The following PDE8B variants were observed in gnomAD, a reference collection of about 807,000 sequenced individuals.
The protein encoded by PDE8B is phosphodiesterase 8B.
Under a neutral mutation model 101.3 loss-of-function variants are expected in PDE8B, and 26 were observed. The ratio of observed to expected loss-of-function variants is 0.26; its 90% CI spans 0.19 to 0.36. The LOEUF (loss-of-function observed/expected upper bound fraction) is 0.36. PDE8B is among the 10% of genes least tolerant of loss of function. PDE8B has a pLI of 1.00. For synonymous variants in PDE8B, 424 were observed against 429.3 expected, an observed-to-expected ratio of 0.99 and a Z score of 0.15; for missense variants, 810 against 1,163.1, an observed-to-expected ratio of 0.70 and a Z score of 4.42.
chr5:77,262,565 G>A (rs1354702324), intron 1 of PDE8B, among the ~76,000 whole-genome samples: 2 of 152,300 alleles, frequency 1.3e-5, no homozygotes, highest in Middle Eastern at 3.4e-3. Context: ...TTATTATCAG[G>A]TGCATATATT....
At chr5:77,382,160 C>T (rs1427265412) in intron 10 of PDE8B, among the ~76,000 whole-genome samples, 2 of 152,128 alleles carry the variant, frequency 1.3e-5, no homozygotes, top group Non-Finnish European at 2.9e-5. Flanking sequence ...TAAGTGAATA[C>T]ACATGTACTC....
At chr5:77,144,681 C>G in the PDE8B span, 2 of 151,600 alleles carry the variant, frequency 1.3e-5, no homozygotes, top group African/African-American at 4.8e-5. Context: ...TCTTGGTGAT[C>G]AGGAAAGGCA....
intron 2 of PDE8B, among the ~76,000 whole-genome samples, chr5:77,324,907 T>G (rs1581047150): frequency 6.6e-6 from 1 of 152,234 alleles, no homozygotes; most frequent in Non-Finnish European, 1.5e-5. Context: ...TTAGAAATAC[T>G]TGTAATTGCA....
At chr5:77,244,739 C>A (rs1171077599) in intron 1 of PDE8B, among the ~76,000 whole-genome samples, 1 of 152,030 alleles carries the variant, frequency 6.6e-6, no homozygotes, top group East Asian at 1.9e-4. Flanking sequence ...CACTAAGCAT[C>A]AAGAGATGGA....
the PDE8B span, among the ~76,000 whole-genome samples, chr5:77,104,320 G>T: frequency 6.6e-6 from 1 of 152,170 alleles, no homozygotes; most frequent in Non-Finnish European, 1.5e-5. Flanking sequence ...GTGACAATGG[G>T]CAGTGCTATG....
chr5:77,291,277 C>G, intron 1 of PDE8B: 1 of 1,613,032 alleles, frequency 6.2e-7, no homozygotes, highest in South Asian at 1.1e-5. Context: ...CCATGGGACC[C>G]TAATGTTCTC....
At chr5:77,161,370 G>A in the PDE8B span, among the ~76,000 whole-genome samples, 226 of 152,102 alleles carry the variant, frequency 1.5e-3, no homozygotes, top group African/African-American at 4.9e-3. Context: ...CCTTTTTATC[G>A]TTGTATAGTT....
At position 77,413,147 on chromosome 5, in the gene PDE8B, G is replaced by C; in HGVS notation, c.1749G>C (p.Arg583=). The change falls in exon 17 of 22, where the codon CGG becomes CGC. Residue 583 remains arginine (R), a synonymous_variant. Coordinates refer to ENST00000264917, the MANE Select transcript of PDE8B (RefSeq NM_003719.5). ...LVYLGLKVFS[R]FGVCEFLNCS... ...ATCTGGGCTTAAAGGTCTTCTCTCG[G>C]TTTGGAGTATGTGAATTTTTAAACT... 8.1e-6 allele frequency: 13 copies of C among 1,614,090 alleles called. No individual in the cohort carries two copies. Among genetic ancestry groups the C allele is most frequent in the Non-Finnish European group, 1.1e-5 (13 of 1,180,010 alleles).
chr5:77,413,850 T>C (rs1453088595), intron 17 of PDE8B, among the ~76,000 whole-genome samples: 1 of 152,190 alleles, frequency 6.6e-6, no homozygotes, highest in East Asian at 1.9e-4. Flanking sequence ...AGTTCAATAC[T>C]GTCATGTACC....
the PDE8B span, among the ~76,000 whole-genome samples, chr5:77,143,047 G>A: frequency 6.6e-6 from 1 of 152,006 alleles, no homozygotes; most frequent in Non-Finnish European, 1.5e-5. Flanking sequence ...GAGACTTCGG[G>A]GAACCCTAGG....
At chr5:77,286,069 G>T (rs1765948947) in intron 1 of PDE8B, among the ~76,000 whole-genome samples, 1 of 151,990 alleles carries the variant, frequency 6.6e-6, no homozygotes, top group Non-Finnish European at 1.5e-5. Flanking sequence ...GTCATCTCAG[G>T]GTTGCCATTA....
chr5:77,235,495 G>A (rs1754475510), intron 1 of PDE8B, among the ~76,000 whole-genome samples: 1 of 152,174 alleles, frequency 6.6e-6, no homozygotes, highest in South Asian at 2.1e-4. Flanking sequence ...ACTAAACGGG[G>A]CATTCATTCA....
chr5:77,278,392 A>G (rs1764251030), intron 1 of PDE8B, among the ~76,000 whole-genome samples: 1 of 152,240 alleles, frequency 6.6e-6, no homozygotes, highest in African/African-American at 2.4e-5. Flanking sequence ...ATGAGATGGA[A>G]ATCATAAAGC....
the PDE8B span, among the ~76,000 whole-genome samples, chr5:77,125,149 T>C: frequency 1.3e-5 from 2 of 152,198 alleles, no homozygotes; most frequent in African/African-American, 4.8e-5. Context: ...TGCACCGCCA[T>C]GCCAGCTAAA....
the PDE8B span, among the ~76,000 whole-genome samples, chr5:77,191,250 C>A: frequency 6.6e-6 from 1 of 152,106 alleles, no homozygotes; most frequent in African/African-American, 2.4e-5. Flanking sequence ...AGGACTTCAA[C>A]TTAGGAATTT....
chr5:77,240,176 T>G (rs1013954191), intron 1 of PDE8B, among the ~76,000 whole-genome samples: 1 of 152,080 alleles, frequency 6.6e-6, no homozygotes, highest in Non-Finnish European at 1.5e-5. Flanking sequence ...TGTTTTGAGA[T>G]GGAGTCTCGC....
chr5:77,156,236 T>C, the PDE8B span, among the ~76,000 whole-genome samples: 1 of 152,282 alleles, frequency 6.6e-6, no homozygotes, highest in African/African-American at 2.4e-5. Flanking sequence ...CATGTAGCTA[T>C]GGGAAGGTAG....
intron 1 of PDE8B, among the ~76,000 whole-genome samples, chr5:77,302,381 C>A (rs764068752): frequency 5.3e-5 from 8 of 152,110 alleles, no homozygotes; most frequent in Non-Finnish European, 1.0e-4. Flanking sequence ...AAGGAGAGGG[C>A]ATGGGTAGGG....
intron 11 of PDE8B, among the ~76,000 whole-genome samples, chr5:77,400,643 G>A (rs192659044): frequency 3.9e-5 from 6 of 152,300 alleles, no homozygotes; most frequent in Non-Finnish European, 5.9e-5. Context: ...TTGCTCAACC[G>A]TGTCCAGTCT....
Sources: allele counts gnomAD v4.1 joint callset (sites outside exome capture counted in the v4.1 genomes callset), GRCh38; gene constraint gnomAD v4.1.1; transcripts MANE v1.5; gene names NCBI Gene and HGNC (gene_info 2026-07-23, HGNC 2026-07-21).